The following NFIB variants were observed in gnomAD, a reference collection of about 807,000 sequenced individuals.
NFIB encodes nuclear factor 1 B-type.
A neutral mutation model predicts 61.5 loss-of-function variants in NFIB; 11 were observed. The observed-to-expected ratio is 0.18, with a 90% confidence interval of 0.11 to 0.30. NFIB has a LOEUF of 0.30. Ranked by LOEUF, NFIB falls within the 10% of genes least tolerant of loss-of-function variation. The pLI is 1.00. For synonymous variants in NFIB, 260 were observed against 216.5 expected, an observed-to-expected ratio of 1.20 and a Z score of -1.76; for missense variants, 471 against 608.9, an observed-to-expected ratio of 0.77 and a Z score of 2.38.
At chr9:14,364,280 GT>G (rs1028023745) in intron 1 of NFIB, among the ~76,000 whole-genome samples, 1 of 152,132 alleles carries the variant, frequency 6.6e-6, no homozygotes, top group Admixed American at 6.6e-5. Context: ...AGCCTGTGGA[GT>G]TTTTTTGGCT....
intron 2 of NFIB, among the ~76,000 whole-genome samples, chr9:14,302,798 G>A (rs1239716066): frequency 6.7e-6 from 1 of 149,998 alleles, no homozygotes. Context: ...ACAGGACACA[G>A]TCTGGCAACT....
At chr9:14,464,431 A>C in the NFIB span, among the ~76,000 whole-genome samples, 1 of 152,154 alleles carries the variant, frequency 6.6e-6, no homozygotes, top group Non-Finnish European at 1.5e-5. Context: ...GACGGTGCAC[A>C]TTTTCAACAT....
At chr9:14,331,959 G>A (rs938349881) in intron 1 of NFIB, among the ~76,000 whole-genome samples, 3 of 152,142 alleles carry the variant, frequency 2.0e-5, no homozygotes, top group Non-Finnish European at 4.4e-5. Context: ...AATAGATATG[G>A]TCTGCGACAA....
chr9:14,324,371 G>T (rs536586468), intron 1 of NFIB, among the ~76,000 whole-genome samples: 214 of 152,280 alleles, frequency 1.4e-3, no homozygotes, highest in African/African-American at 4.9e-3. Flanking sequence ...ACAGAAGAAT[G>T]ATGGATATAG....
chr9:14,493,970 C>G, the NFIB span, among the ~76,000 whole-genome samples: 4 of 152,288 alleles, frequency 2.6e-5, no homozygotes, highest in South Asian at 8.3e-4. Context: ...GGTTTCACAT[C>G]AATTAAAGGC....
chr9:14,438,688 C>T, the NFIB span, among the ~76,000 whole-genome samples: 1 of 152,164 alleles, frequency 6.6e-6, no homozygotes, highest in Non-Finnish European at 1.5e-5. Flanking sequence ...ACACAGCCCC[C>T]TGGAATACAC....
intron 2 of NFIB, among the ~76,000 whole-genome samples, chr9:14,219,316 T>C (rs558832759): frequency 1.5e-3 from 215 of 139,368 alleles, no homozygotes; most frequent in Non-Finnish European, 2.0e-3. Context: ...ATTATATAGA[T>C]TGACAAATAT....
chr9:14,455,623 C>A, the NFIB span, among the ~76,000 whole-genome samples: 19 of 152,080 alleles, frequency 1.2e-4, no homozygotes, highest in African/African-American at 4.3e-4. Flanking sequence ...GCAGAATGAA[C>A]GGATTAGAGA....
At chr9:14,417,127 G>T in the NFIB span, among the ~76,000 whole-genome samples, 1 of 151,332 alleles carries the variant, frequency 6.6e-6, no homozygotes, top group Admixed American at 6.6e-5. Flanking sequence ...TCCTGACCTC[G>T]TGATCTGCCT....
intron 2 of NFIB, among the ~76,000 whole-genome samples, chr9:14,257,773 A>T (rs918537672): frequency 6.6e-6 from 1 of 152,136 alleles, no homozygotes; most frequent in Admixed American, 6.5e-5. Flanking sequence ...AAAAAAAACG[A>T]AAGAAAGAAA....
chr9:14,417,879 C>G, the NFIB span, among the ~76,000 whole-genome samples: 2 of 142,326 alleles, frequency 1.4e-5, no homozygotes, highest in Non-Finnish European at 3.0e-5. Context: ...CTCCCGAGTT[C>G]AAGTGATTCT....
At chr9:14,201,322 C>G (rs1485910904) in intron 2 of NFIB, among the ~76,000 whole-genome samples, 1 of 152,160 alleles carries the variant, frequency 6.6e-6, no homozygotes, top group Non-Finnish European at 1.5e-5. Flanking sequence ...CCCAGCCTAG[C>G]CTCACTCTCA....
intron 2 of NFIB, among the ~76,000 whole-genome samples, chr9:14,259,687 G>A (rs2056562744): frequency 6.6e-6 from 1 of 152,118 alleles, no homozygotes; most frequent in Non-Finnish European, 1.5e-5. Flanking sequence ...GATCACTTGA[G>A]GTCAGGAGTT....
the NFIB span, among the ~76,000 whole-genome samples, chr9:14,444,618 G>T: frequency 6.6e-6 from 1 of 152,092 alleles, no homozygotes. Context: ...CGGGGGAAAA[G>T]AAAACGCAAG....
chr9:14,395,396 G>T (rs976297910), intron 1 of NFIB, among the ~76,000 whole-genome samples: 4 of 151,674 alleles, frequency 2.6e-5, no homozygotes, highest in African/African-American at 9.7e-5. Context: ...AAATAGTAGT[G>T]ATTGGGGGTT....
chr9:14,164,295 G>A (rs888214715), intron 3 of NFIB, among the ~76,000 whole-genome samples: 3 of 151,998 alleles, frequency 2.0e-5, no homozygotes, highest in Admixed American at 2.0e-4. Context: ...GCAATTTCAT[G>A]GTTGTATGAA....
At chr9:14,467,822 C>T in the NFIB span, among the ~76,000 whole-genome samples, 1 of 152,250 alleles carries the variant, frequency 6.6e-6, no homozygotes, top group Non-Finnish European at 1.5e-5. Context: ...ATTTGATCCT[C>T]ACAGTAAATG....
intron 3 of NFIB, among the ~76,000 whole-genome samples, chr9:14,163,092 C>G (rs1413103585): frequency 6.6e-6 from 1 of 151,890 alleles, no homozygotes; most frequent in Admixed American, 6.6e-5. Context: ...AATCATACTA[C>G]CTATGAGTAG....
intron 2 of NFIB, among the ~76,000 whole-genome samples, chr9:14,259,938 T>C (rs1249165079): frequency 1.3e-5 from 2 of 151,992 alleles, no homozygotes; most frequent in Admixed American, 6.6e-5. Context: ...AACAAAACTA[T>C]TGGTGAAAAA....
Sources: allele counts gnomAD v4.1 joint callset (sites outside exome capture counted in the v4.1 genomes callset), GRCh38; gene constraint gnomAD v4.1.1; transcripts MANE v1.5; gene names NCBI Gene and HGNC (gene_info 2026-07-23, HGNC 2026-07-21).